GALNTL6: variants seen among roughly 807,000 people sequenced by gnomAD.
GALNTL6 encodes polypeptide N-acetylgalactosaminyltransferase-like 6.
Under a neutral mutation model 73.7 loss-of-function variants are expected in GALNTL6, and 46 were observed. That is an observed-to-expected ratio of 0.62 (90% CI 0.49 to 0.80). The LOEUF is 0.80. Ranked by LOEUF, GALNTL6 falls within the 30% of genes least tolerant of loss-of-function variation. The probability of loss-of-function intolerance (pLI) is 0.00; values close to 1 mark genes in which losing one functional copy is unlikely to be tolerated. For synonymous variants in GALNTL6, 259 were observed against 263.7 expected, an observed-to-expected ratio of 0.98 and a Z score of 0.17; for missense variants, 604 against 755.0, an observed-to-expected ratio of 0.80 and a Z score of 2.34.
intron 7 of GALNTL6, among the ~76,000 whole-genome samples, chr4:172,842,816 A>C (rs1217604100): frequency 6.6e-6 from 1 of 151,968 alleles, no homozygotes; most frequent in African/African-American, 2.4e-5. Flanking sequence ...CAAAATTATA[A>C]ATTTCTCCTG....
At chr4:172,140,755 A>G (rs550650736) in intron 2 of GALNTL6, among the ~76,000 whole-genome samples, 5 of 152,092 alleles carry the variant, frequency 3.3e-5, no homozygotes, top group Admixed American at 6.5e-5. Context: ...CATAAGAAGA[A>G]GAAATTGAAT....
intron 2 of GALNTL6, among the ~76,000 whole-genome samples, chr4:171,989,168 A>G (rs548518395): frequency 9.5e-4 from 145 of 152,146 alleles, no homozygotes; most frequent in African/African-American, 2.6e-3. Context: ...ATAAGGTAAT[A>G]TGGAGTGAGT....
At chr4:172,427,332 A>G (rs1325536610) in intron 5 of GALNTL6, among the ~76,000 whole-genome samples, 4 of 151,940 alleles carry the variant, frequency 2.6e-5, no homozygotes, top group Non-Finnish European at 5.9e-5. Flanking sequence ...GTGCAGGGGA[A>G]CTCTCCTTTA....
chr4:172,649,215 T>C (rs1365535176), intron 5 of GALNTL6, among the ~76,000 whole-genome samples: 1 of 152,254 alleles, frequency 6.6e-6, no homozygotes, highest in South Asian at 2.1e-4. Flanking sequence ...ACAAGAACAA[T>C]ACATTAGCCT....
intron 5 of GALNTL6, among the ~76,000 whole-genome samples, chr4:172,566,409 G>T (rs1736556798): frequency 6.6e-6 from 1 of 152,024 alleles, no homozygotes; most frequent in Non-Finnish European, 1.5e-5. Context: ...TGACAAATAA[G>T]TGGAAATTAA....
At chr4:172,655,598 C>T (rs555780260) in intron 5 of GALNTL6, among the ~76,000 whole-genome samples, 123 of 152,190 alleles carry the variant, frequency 8.1e-4, no homozygotes, top group Admixed American at 4.2e-3. Context: ...AGGTGTCTTC[C>T]GCCCTGAAAG....
chr4:171,935,703 C>G (rs970306626), intron 2 of GALNTL6, among the ~76,000 whole-genome samples: 2 of 152,158 alleles, frequency 1.3e-5, no homozygotes, highest in Non-Finnish European at 2.9e-5. Context: ...TTTGATAACA[C>G]TTTTACCACA....
chr4:172,400,270 C>G (rs1050234792), intron 5 of GALNTL6, among the ~76,000 whole-genome samples: 1 of 152,068 alleles, frequency 6.6e-6, no homozygotes, highest in African/African-American at 2.4e-5. Flanking sequence ...TGGCACTTAC[C>G]TATTACCTAC....
intron 5 of GALNTL6, among the ~76,000 whole-genome samples, chr4:172,467,229 A>G (rs555229663): frequency 6.6e-6 from 1 of 152,362 alleles, no homozygotes; most frequent in South Asian, 2.1e-4. Context: ...CTATTCCTAC[A>G]TAGATGTATA....
At chr4:172,410,819 G>A (rs940501884) in intron 5 of GALNTL6, among the ~76,000 whole-genome samples, 1 of 151,864 alleles carries the variant, frequency 6.6e-6, no homozygotes, top group Admixed American at 6.6e-5. Context: ...TTTCTGGGTT[G>A]CTTTATGATG....
chr4:173,019,925 A>G (rs1752929438), intron 11 of GALNTL6, among the ~76,000 whole-genome samples: 1 of 152,258 alleles, frequency 6.6e-6, no homozygotes. Flanking sequence ...CAGCTGAAAT[A>G]TACTGAGGGC....
intron 8 of GALNTL6, among the ~76,000 whole-genome samples, chr4:172,908,609 A>AGT (rs200044918): frequency 0.15 from 22,368 of 145,850 alleles, 1,823 homozygotes; most frequent in Non-Finnish European, 0.18. Flanking sequence ...CATGAGCGTG[A>AGT]GTGTGTGTGT....
chr4:172,923,738 A>G (rs1308731001), intron 8 of GALNTL6, among the ~76,000 whole-genome samples: 1 of 152,130 alleles, frequency 6.6e-6, no homozygotes, highest in Non-Finnish European at 1.5e-5. Flanking sequence ...ACGGTTCCAC[A>G]TGGCTGGGGA....
At chr4:172,178,416 G>T (rs142473761) in intron 2 of GALNTL6, among the ~76,000 whole-genome samples, 1 of 151,884 alleles carries the variant, frequency 6.6e-6, no homozygotes, top group African/African-American at 2.4e-5. Context: ...CTGTTCCTCC[G>T]CTAGCCCCTC....
intron 2 of GALNTL6, among the ~76,000 whole-genome samples, chr4:172,021,002 C>T (rs532233983): frequency 2.6e-5 from 4 of 152,120 alleles, no homozygotes; most frequent in African/African-American, 9.6e-5. Context: ...GTTCAACATA[C>T]ACAAATCAAT....
intron 7 of GALNTL6, among the ~76,000 whole-genome samples, chr4:172,862,143 A>G (rs1011387837): frequency 6.6e-6 from 1 of 152,210 alleles, no homozygotes; most frequent in Non-Finnish European, 1.5e-5. Flanking sequence ...AAAGATTAGA[A>G]CTTCCTAGAG....
chr4:172,205,922 C>T (rs1217421973), intron 2 of GALNTL6, among the ~76,000 whole-genome samples: 1 of 152,208 alleles, frequency 6.6e-6, no homozygotes, highest in African/African-American at 2.4e-5. Flanking sequence ...AGTCTCCCAT[C>T]AATGGATTGA....
chr4:172,249,464 A>G (rs754637786), intron 3 of GALNTL6, among the ~76,000 whole-genome samples: 2 of 152,218 alleles, frequency 1.3e-5, no homozygotes, highest in African/African-American at 4.8e-5. Context: ...AGAAAATTGC[A>G]TAAGTAACAA....
intron 2 of GALNTL6, among the ~76,000 whole-genome samples, chr4:172,184,001 C>T (rs768349147): frequency 1.3e-4 from 20 of 152,046 alleles, no homozygotes; most frequent in Non-Finnish European, 2.4e-4. Context: ...CCATGTTGGC[C>T]AGGATGGTCT....
Sources: gnomAD v4.1 joint callset for allele counts (sites outside exome capture counted in the v4.1 genomes callset) on GRCh38, gnomAD v4.1.1 for gene constraint, MANE v1.5 for transcripts, NCBI Gene and HGNC (gene_info 2026-07-23, HGNC 2026-07-21) for gene names.